Variants in SHANK2 observed in about 807,000 individuals in gnomAD.
SHANK2 encodes the protein SH3 and multiple ankyrin repeat domains protein 2.
SHANK2 carries 43 observed loss-of-function variants against 133.7 expected under a neutral mutation model. The ratio of observed to expected loss-of-function variants is 0.32; its 90% CI spans 0.25 to 0.41. SHANK2 has a LOEUF of 0.41. Ranked by LOEUF, SHANK2 falls within the 10% of genes least tolerant of loss-of-function variation. SHANK2 has a pLI of 1.00. For missense variants in SHANK2, 1,994 were observed against 2,235.8 expected (o/e 0.89, Z 2.18); for synonymous variants, 1,017 against 952.8 (o/e 1.07, Z -1.24).
At chr11:70,678,471 C>T (rs1002240797) in intron 15 of SHANK2, among the ~76,000 whole-genome samples, 1 of 150,070 alleles carries the variant, frequency 6.7e-6, no homozygotes, top group African/African-American at 2.4e-5. Flanking sequence ...GTTATCTGTC[C>T]TGCCTCTCCC....
chr11:70,651,457 C>T (rs1446149626), intron 17 of SHANK2, among the ~76,000 whole-genome samples: 1 of 152,184 alleles, frequency 6.6e-6, no homozygotes, highest in Non-Finnish European at 1.5e-5. Context: ...GATCCAACCT[C>T]CCCGCCATCC....
intron 10 of SHANK2, among the ~76,000 whole-genome samples, chr11:70,946,335 A>C (rs149039818): frequency 0.091 from 7,500 of 82,118 alleles, 669 homozygotes; most frequent in African/African-American, 0.19. Flanking sequence ...ACTTCCCAGG[A>C]TCAGCCTCCC....
At chr11:70,888,688 G>A (rs1274248111) in intron 11 of SHANK2, among the ~76,000 whole-genome samples, 1 of 152,056 alleles carries the variant, frequency 6.6e-6, no homozygotes, top group Non-Finnish European at 1.5e-5. Context: ...GTGGTGGCAG[G>A]TGCCTGTAAT....
intron 17 of SHANK2, among the ~76,000 whole-genome samples, chr11:70,578,086 G>A (rs1353741758): frequency 6.6e-6 from 1 of 152,176 alleles, no homozygotes; most frequent in Non-Finnish European, 1.5e-5. Flanking sequence ...GTGGGGCGTT[G>A]TGGTCAGCCT....
intron 17 of SHANK2, among the ~76,000 whole-genome samples, chr11:70,573,110 C>T (rs2060066709): frequency 6.6e-6 from 1 of 152,130 alleles, no homozygotes; most frequent in Non-Finnish European, 1.5e-5. Context: ...AATAATCACA[C>T]TGCCTGAGAG....
At chr11:71,147,044 C>T (rs1590957128) in intron 3 of SHANK2, 76 bp downstream of exon 3, 1 of 1,300,256 alleles carries the variant, frequency 7.7e-7, no homozygotes, top group South Asian at 1.4e-5. Flanking sequence ...CGGGGAGGAC[C>T]AGAGCAGGCC....
chr11:70,823,359 TGGGGGACAGAGGTGGCAC>T (rs1948573884), intron 11 of SHANK2, among the ~76,000 whole-genome samples: 1 of 85,488 alleles, frequency 1.2e-5, no homozygotes, highest in African/African-American at 4.6e-5. Flanking sequence ...GCAGAACTCA[TGGGGGACAGAGGTGGCAC>T]TGGCAGAGTT....
rs57260700 is a variant in SHANK2 at position 70,504,327 on chromosome 11, A to C, written c.2062-1396T>G. Among the ~76,000 whole-genome samples, 621 of 136,614 alleles carry C rather than the reference A, an allele frequency of 4.5e-3. 4 individuals carry two copies. The highest frequency in any genetic ancestry group is 0.029 in the East Asian group (97 of 3,328). 89.6% of individuals were successfully genotyped at this position (136,614 alleles called of 152,430 possible). ...GATAGAAGCAGGTACTGCCTGGCTC[A>C]CCATACTGTTGACAGGCCCAGTGCC... On this transcript the variant is annotated intron_variant, in intron 17 of 25. Coordinates refer to ENST00000601538, the MANE Select transcript of SHANK2 (RefSeq NM_012309.5).
intron 3 of SHANK2, among the ~76,000 whole-genome samples, chr11:71,130,661 G>C (rs1461621520): frequency 5.3e-5 from 8 of 152,090 alleles, no homozygotes. Context: ...CCACCTCTAC[G>C]GCATCTGCTA....
intron 14 of SHANK2, among the ~76,000 whole-genome samples, chr11:70,773,894 A>G (rs868954786): frequency 2.2e-4 from 34 of 152,352 alleles, no homozygotes; most frequent in Admixed American, 1.6e-3. Context: ...ATGTAAAATG[A>G]AGCCACTGTG....
chr11:70,746,480 C>T (rs1348141766), intron 14 of SHANK2, among the ~76,000 whole-genome samples: 1 of 151,532 alleles, frequency 6.6e-6, no homozygotes, highest in Non-Finnish European at 1.5e-5. Flanking sequence ...GAAGGCTGGA[C>T]CTTCCTTCAG....
chr11:71,141,070 C>T (rs749259094), intron 3 of SHANK2, among the ~76,000 whole-genome samples: 17 of 152,242 alleles, frequency 1.1e-4, no homozygotes, highest in Non-Finnish European at 2.1e-4. Context: ...ATAAACCCTC[C>T]CCATGAGTAG....
At chr11:70,617,845 G>A (rs781850545) in intron 17 of SHANK2, among the ~76,000 whole-genome samples, 23 of 152,252 alleles carry the variant, frequency 1.5e-4, no homozygotes, top group African/African-American at 4.6e-4. Context: ...TTGTGGGGTC[G>A]GGGGAGAGGG....
At chr11:71,080,819 G>A (rs1012644426) in intron 8 of SHANK2, among the ~76,000 whole-genome samples, 9 of 152,158 alleles carry the variant, frequency 5.9e-5, no homozygotes, top group Admixed American at 2.6e-4. Flanking sequence ...CGCATACCAC[G>A]GTTTTCAAAG....
At chr11:70,732,636 C>T (rs1239866097) in intron 14 of SHANK2, among the ~76,000 whole-genome samples, 5 of 152,266 alleles carry the variant, frequency 3.3e-5, no homozygotes, top group East Asian at 1.9e-4. Flanking sequence ...AGTCCATTCC[C>T]GCCATGGGGC....
intron 2 of SHANK2, among the ~76,000 whole-genome samples, chr11:71,190,859 G>A (rs948847093): frequency 5.9e-5 from 9 of 152,176 alleles, no homozygotes; most frequent in Middle Eastern, 3.2e-3. Context: ...CAGCCCCTGC[G>A]GTGCTGGAGA....
At chr11:71,083,549 C>A (rs901950581) in intron 8 of SHANK2, among the ~76,000 whole-genome samples, 3 of 152,084 alleles carry the variant, frequency 2.0e-5, no homozygotes, top group African/African-American at 7.2e-5. Flanking sequence ...TGCATAACAC[C>A]CAGGCCAGAA....
intron 3 of SHANK2, among the ~76,000 whole-genome samples, chr11:71,135,169 C>T (rs1168254045): frequency 6.6e-6 from 1 of 152,168 alleles, no homozygotes; most frequent in African/African-American, 2.4e-5. Context: ...CTCCCATCCT[C>T]TGAGGCTCTG....
chr11:70,764,004 T>C lies in SHANK2; in HGVS notation c.1777+34439A>G, dbSNP rs1486133136. 3.9e-5 allele frequency among the ~76,000 whole-genome samples: 6 copies of C among 152,136 alleles called. No homozygotes were observed. The East Asian group carries it at 5.8e-4, about 15-fold the overall frequency. ...TATTTATTCAGAGCTGTGGGAATCATAGAGCAAAGTTTTCCATTGCTCAAA... is the reference window on the plus strand; with the variant it reads ...TATTTATTCAGAGCTGTGGGAATCACAGAGCAAAGTTTTCCATTGCTCAAA... On this transcript the variant is annotated intron_variant, in intron 14 of 25. Transcript: ENST00000601538.
Sources: allele counts gnomAD v4.1 joint callset (sites outside exome capture counted in the v4.1 genomes callset), GRCh38; gene constraint gnomAD v4.1.1; transcripts MANE v1.5; gene names NCBI Gene and HGNC (gene_info 2026-07-23, HGNC 2026-07-21).